Variants in WWOX observed in about 807,000 individuals in gnomAD.
The protein encoded by WWOX is WW domain containing oxidoreductase.
WWOX carries 69 observed loss-of-function variants against 46.2 expected under a neutral mutation model. The ratio of observed to expected loss-of-function variants is 1.49; its 90% CI spans 1.23 to 1.82. WWOX has a LOEUF of 1.82. Ranked by LOEUF, WWOX falls within the 40% of genes most tolerant of loss-of-function variation. WWOX has a pLI of 0.00. For synonymous variants in WWOX, 359 were observed against 202.6 expected, an observed-to-expected ratio of 1.77 and a Z score of -6.56; for missense variants, 919 against 542.6, an observed-to-expected ratio of 1.69 and a Z score of -6.89.
At chr16:78,167,158 T>C (rs2035001201) in intron 5 of WWOX, 1 of 152,216 alleles carries the variant, frequency 6.6e-6, no homozygotes, top group Non-Finnish European at 1.5e-5. Flanking sequence ...GAACACAATA[T>C]ATATGAGAAC....
At chr16:79,029,838 T>G (rs1012387644) in intron 8 of WWOX, among the ~76,000 whole-genome samples, 1 of 152,212 alleles carries the variant, frequency 6.6e-6, no homozygotes, top group African/African-American at 2.4e-5. Flanking sequence ...TCAAACATTG[T>G]TTACTGTCTT....
At chr16:79,052,391 A>C (rs892543344) in intron 8 of WWOX, among the ~76,000 whole-genome samples, 2 of 152,218 alleles carry the variant, frequency 1.3e-5, no homozygotes, top group Admixed American at 1.3e-4. Flanking sequence ...ATGGCTGCAT[A>C]GTATTCCATG....
intron 7 of WWOX, among the ~76,000 whole-genome samples, chr16:78,431,103 T>C (rs2083206651): frequency 6.6e-6 from 1 of 152,176 alleles, no homozygotes; most frequent in Admixed American, 6.5e-5. Flanking sequence ...CTGTGATCCA[T>C]TTTGTAAGGG....
rs1230941397 is a variant in WWOX, at chr16:78,340,006, C to G, written c.517-46854C>G. On this transcript the variant is annotated intron_variant, in intron 5 of 8. Coordinates refer to ENST00000566780, the MANE Select transcript of WWOX (RefSeq NM_016373.4). ...TCAGGGATAGTTCTTCTAGTCTTTC[C>G]ATGGATTTGGTGGGGGGGGGGGGGA... Among the ~76,000 whole-genome samples the G allele has an allele frequency of 2.1e-4, 7 of 32,684 alleles. 3 individuals are homozygous for G. The highest frequency in any genetic ancestry group is 2.0e-4 in the Non-Finnish European group (3 of 14,920). 21.4% of individuals were successfully genotyped at this position (32,684 alleles called of 152,430 possible).
At chr16:79,153,516 G>A (rs8048950) in intron 8 of WWOX, among the ~76,000 whole-genome samples, 12,348 of 152,108 alleles carry the variant, frequency 0.081, 889 homozygotes, top group African/African-American at 0.19. Flanking sequence ...AACAGCCCAC[G>A]GCAATGCACT....
At chr16:78,383,595 C>G (rs1052099415) in intron 5 of WWOX, among the ~76,000 whole-genome samples, 2 of 152,162 alleles carry the variant, frequency 1.3e-5, no homozygotes, top group African/African-American at 4.8e-5. Flanking sequence ...GAGCATGTCC[C>G]ACTACAAACA....
At chr16:79,104,039 G>GC (rs1491280766) in intron 8 of WWOX, among the ~76,000 whole-genome samples, 3 of 46,074 alleles carry the variant, frequency 6.5e-5, no homozygotes, top group South Asian at 1.0e-3. Context: ...CCCTTTTTTG[G>GC]GGGGGGGGGG....
At chr16:78,199,119 C>T (rs573187576) in intron 5 of WWOX, among the ~76,000 whole-genome samples, 5 of 152,140 alleles carry the variant, frequency 3.3e-5, no homozygotes, top group African/African-American at 1.2e-4. Context: ...TGAGACCATC[C>T]TGGCTAACAC....
At chr16:78,734,200 T>A (rs73571668) in intron 8 of WWOX, among the ~76,000 whole-genome samples, 18 of 152,294 alleles carry the variant, frequency 1.2e-4, no homozygotes, top group African/African-American at 4.1e-4. Context: ...GAAATTGGAA[T>A]GTTAGGTGTT....
chr16:78,774,496 T>TGTG (rs2050139676), intron 8 of WWOX, among the ~76,000 whole-genome samples: 120 of 149,504 alleles, frequency 8.0e-4, no homozygotes, highest in South Asian at 5.7e-3. Flanking sequence ...CAGACCCATT[T>TGTG]TGTGTGTGTG....
At chr16:78,792,942 A>G (rs961699460) in intron 8 of WWOX, among the ~76,000 whole-genome samples, 6 of 152,210 alleles carry the variant, frequency 3.9e-5, no homozygotes, top group Admixed American at 3.3e-4. Context: ...CTTGATAACC[A>G]TGGCAATGCA....
intron 6 of WWOX, among the ~76,000 whole-genome samples, chr16:78,419,011 T>C (rs541817413): frequency 2.0e-5 from 3 of 152,266 alleles, no homozygotes; most frequent in Admixed American, 1.3e-4. Flanking sequence ...AGTAAAACTA[T>C]CTTTATTTGC....
intron 8 of WWOX, among the ~76,000 whole-genome samples, chr16:78,964,313 T>G (rs188546482): frequency 8.5e-5 from 13 of 152,204 alleles, no homozygotes; most frequent in African/African-American, 2.9e-4. Flanking sequence ...GATAGCAATA[T>G]GGACAATAAT....
chr16:78,560,572 A>G (rs1039405771), intron 8 of WWOX, among the ~76,000 whole-genome samples: 72 of 152,184 alleles, frequency 4.7e-4, no homozygotes, highest in African/African-American at 1.7e-3. Context: ...TGAACCTGGG[A>G]GGTGGAGGTT....
intron 8 of WWOX, among the ~76,000 whole-genome samples, chr16:79,197,723 A>G (rs972450309): frequency 2.0e-5 from 3 of 152,256 alleles, no homozygotes; most frequent in Admixed American, 6.5e-5. Context: ...TTTGTTCCCA[A>G]TGTTTGCTAC....
intron 5 of WWOX, among the ~76,000 whole-genome samples, chr16:78,196,925 A>G (rs940197894): frequency 6.6e-6 from 1 of 152,262 alleles, no homozygotes; most frequent in Non-Finnish European, 1.5e-5. Context: ...AAGTGAAGAC[A>G]AAACATGATT....
At chr16:78,448,154 C>G (rs900116670) in intron 8 of WWOX, among the ~76,000 whole-genome samples, 1 of 152,122 alleles carries the variant, frequency 6.6e-6, no homozygotes, top group Non-Finnish European at 1.5e-5. Context: ...GCTCTCATTA[C>G]TTGCCCCCAA....
chr16:79,036,681 C>T (rs189250088), intron 8 of WWOX, among the ~76,000 whole-genome samples: 100 of 152,184 alleles, frequency 6.6e-4, no homozygotes, highest in Non-Finnish European at 1.2e-3. Flanking sequence ...TGAGGCTGTA[C>T]CTGCACTTGA....
intron 4 of WWOX, among the ~76,000 whole-genome samples, chr16:78,158,466 C>G (rs551618578): frequency 2.6e-5 from 4 of 151,842 alleles, no homozygotes; most frequent in Admixed American, 2.6e-4. Context: ...TTTTTCCTCC[C>G]TCCCTCCCCT....
Sources: gnomAD v4.1 joint callset for allele counts (sites outside exome capture counted in the v4.1 genomes callset) on GRCh38, gnomAD v4.1.1 for gene constraint, MANE v1.5 for transcripts, NCBI Gene and HGNC (gene_info 2026-07-23, HGNC 2026-07-21) for gene names.